The following MORN5 variants were observed in gnomAD, a reference collection of about 807,000 sequenced individuals.
The protein encoded by MORN5 is MORN repeat containing 5, also known as MORN repeat-containing protein 5.
Under a neutral mutation model 22.1 loss-of-function variants are expected in MORN5, and 21 were observed. That is an observed-to-expected ratio of 0.95 (90% confidence interval 0.67 to 1.37). MORN5 has a LOEUF of 1.37. Ranked by LOEUF, MORN5 falls within the 40% of genes most tolerant of loss-of-function variation. The probability of loss-of-function intolerance (pLI) is 0.00; values close to 1 mark genes in which losing one functional copy is unlikely to be tolerated. For missense variants in MORN5, 211 were observed against 215.1 expected, an observed-to-expected ratio of 0.98 and a Z score of 0.12; for synonymous variants, 73 against 74.0, an observed-to-expected ratio of 0.99 and a Z score of 0.07.
At chr9:122,196,949 T>C (rs934520147) in intron 4 of MORN5, among the ~76,000 whole-genome samples, 1 of 152,360 alleles carries the variant, frequency 6.6e-6, no homozygotes, top group East Asian at 1.9e-4. Context: ...TCTTATAGTA[T>C]CCACCTCCCC....
intron 4 of MORN5, among the ~76,000 whole-genome samples, chr9:122,198,946 T>C (rs1256366524): frequency 1.3e-5 from 2 of 152,166 alleles, no homozygotes; most frequent in South Asian, 4.1e-4. Flanking sequence ...ACAGCACATA[T>C]TTTACAGAGC....
At chr9:122,170,067 G>A (rs529110654) in intron 3 of MORN5, among the ~76,000 whole-genome samples, 179 of 152,322 alleles carry the variant, frequency 1.2e-3, no homozygotes, top group African/African-American at 4.1e-3. Flanking sequence ...GGAGGCCAAG[G>A]CGGGTGGATC....
chr9:122,179,287 A>G (rs190802732), intron 4 of MORN5, among the ~76,000 whole-genome samples: 1 of 152,316 alleles, frequency 6.6e-6, no homozygotes, highest in Admixed American at 6.5e-5. Flanking sequence ...GTTGTCTTTC[A>G]CCCTAAGGCA....
At position 122,166,815 on chromosome 9, in the gene MORN5, T is replaced by C. The variant is rs747259396; in HGVS notation, c.95T>C (p.Val32Ala). 12 of 1,613,868 alleles carry C rather than the reference T, an allele frequency of 7.4e-6. No individual in the cohort carries two copies. The highest frequency in any genetic ancestry group is 1.3e-5 in the African/African-American group (1 of 74,964). The part of the protein sequence containing the change: ...KYILPTETIY[V>A]GEMKDGMFHG... ...ATCCTCCCTACCGAAACAATATATG[T>C]TGGGGAAATGAAGGATGGCATGTTT... Residue 32 changes from valine (V) to alanine (A), a missense_variant, in exon 2 of 5, where the codon GTT (valine) becomes GCT (alanine). Val to Ala is a moderately conservative substitution (Grantham distance 64, BLOSUM62 0). Transcript: ENST00000373764.
chr9:122,193,357 C>T (rs1170446328), intron 4 of MORN5, among the ~76,000 whole-genome samples: 1 of 152,204 alleles, frequency 6.6e-6, no homozygotes, highest in African/African-American at 2.4e-5. Flanking sequence ...GAAGCCAAGG[C>T]GGGTGGATCG....
At chr9:122,161,904 G>T (rs112430065) in intron 1 of MORN5, among the ~76,000 whole-genome samples, 3 of 152,204 alleles carry the variant, frequency 2.0e-5, no homozygotes, top group African/African-American at 7.2e-5. Context: ...AACCACGATA[G>T]GGATTCCCAG....
At position 122,188,027 on chromosome 9, in the gene MORN5, T is replaced by TTGGG. The variant is rs201277052; in HGVS notation, c.440-11857_440-11854dup. On this transcript the variant is annotated intron_variant, in intron 4 of 4. Transcript: ENST00000373764. The stretch of plus-strand genomic sequence containing the variant: ...TGGAGCAGCTGAAAAGGCTTGTGTG[T>TTGGG]TGGGGAATGGGGAAGGTGTCAAGGA... Among the ~76,000 whole-genome samples the TTGGG allele has an allele frequency of 5.2e-3, 793 of 152,172 alleles. 8 individuals carry two copies. The highest frequency in any genetic ancestry group is 0.019 in the African/African-American group (768 of 41,510).
chr9:122,177,661 G>T (rs1285228639), intron 4 of MORN5, among the ~76,000 whole-genome samples: 1 of 152,078 alleles, frequency 6.6e-6, no homozygotes, highest in Non-Finnish European at 1.5e-5. Context: ...TTGAACTACT[G>T]ACCTCAGGTG....
chr9:122,173,882 A>G (rs754627922), intron 3 of MORN5, among the ~76,000 whole-genome samples: 1 of 152,200 alleles, frequency 6.6e-6, no homozygotes, highest in Non-Finnish European at 1.5e-5. Context: ...TATCTGTAAA[A>G]TGGAGCCACA....
At chr9:122,163,994 C>T (rs1049804013) in intron 1 of MORN5, among the ~76,000 whole-genome samples, 5 of 152,186 alleles carry the variant, frequency 3.3e-5, no homozygotes, top group African/African-American at 1.2e-4. Context: ...AAGCGATCCT[C>T]CCACCTCAGC....
chr9:122,187,144 A>G (rs570585388), intron 4 of MORN5, among the ~76,000 whole-genome samples: 1 of 152,338 alleles, frequency 6.6e-6, no homozygotes, highest in South Asian at 2.1e-4. Context: ...GGCTGGCCCT[A>G]AAGAAGCACC....
chr9:122,191,739 G>T (rs1048967557), intron 4 of MORN5, among the ~76,000 whole-genome samples: 14 of 152,246 alleles, frequency 9.2e-5, no homozygotes, highest in Admixed American at 8.5e-4. Context: ...ACCCCAATCC[G>T]CCTGCTTGCC....
At chr9:122,190,082 T>C (rs1829728143) in intron 4 of MORN5, among the ~76,000 whole-genome samples, 1 of 151,936 alleles carries the variant, frequency 6.6e-6, no homozygotes, top group Non-Finnish European at 1.5e-5. Flanking sequence ...CAGCTGTCCA[T>C]ACACAGAGAT....
chr9:122,199,024 C>T (rs1010026838), intron 4 of MORN5, among the ~76,000 whole-genome samples: 30 of 151,690 alleles, frequency 2.0e-4, no homozygotes, highest in African/African-American at 6.8e-4. Flanking sequence ...AGGAGGGGCC[C>T]GGTATGGGTT....
chr9:122,171,613 C>T (rs1171563188), intron 3 of MORN5, among the ~76,000 whole-genome samples: 1 of 152,138 alleles, frequency 6.6e-6, no homozygotes, highest in Non-Finnish European at 1.5e-5. Context: ...CTGTATTGGT[C>T]GTTCTCAACT....
At chr9:122,172,269 CTT>C (rs1829377245) in intron 3 of MORN5, among the ~76,000 whole-genome samples, 1 of 151,624 alleles carries the variant, frequency 6.6e-6, no homozygotes, top group South Asian at 2.1e-4. Flanking sequence ...CCGCTTACAT[CTT>C]TTAAAGTGTG....
At chr9:122,166,124 C>G (rs573570131) in intron 1 of MORN5, among the ~76,000 whole-genome samples, 17 of 152,190 alleles carry the variant, frequency 1.1e-4, no homozygotes, top group Admixed American at 2.6e-4. Flanking sequence ...TCTCATGAGA[C>G]TTATTCACTA....
At chr9:122,193,885 G>C (rs1284284621) in intron 4 of MORN5, among the ~76,000 whole-genome samples, 1 of 152,244 alleles carries the variant, frequency 6.6e-6, no homozygotes, top group African/African-American at 2.4e-5. Context: ...GGGAAGCGGG[G>C]AGGGAAGCAG....
chr9:122,170,625 A>T (rs1203052463), intron 3 of MORN5, among the ~76,000 whole-genome samples: 1 of 152,166 alleles, frequency 6.6e-6, no homozygotes, highest in Non-Finnish European at 1.5e-5. Context: ...ATGTCACTCC[A>T]GGTTGAGGCT....
Sources: gnomAD v4.1 joint callset for allele counts (sites outside exome capture counted in the v4.1 genomes callset) on GRCh38, gnomAD v4.1.1 for gene constraint, MANE v1.5 for transcripts, NCBI Gene and HGNC (gene_info 2026-07-23, HGNC 2026-07-21) for gene names.